Variants in DNAH10 observed in about 807,000 individuals in gnomAD.
DNAH10 encodes the protein axonemal beta dynein heavy chain 10.
A neutral mutation model predicts 506.6 loss-of-function variants in DNAH10; 348 were observed. The ratio of observed to expected loss-of-function variants is 0.69; its 90% confidence interval spans 0.63 to 0.75. DNAH10 has a LOEUF of 0.75. Among genes scored for constraint, DNAH10 ranks in the 30% least tolerant of loss-of-function variants. DNAH10 has a pLI of 0.00. For synonymous variants in DNAH10, 2,059 were observed against 2,198.6 expected, an observed-to-expected ratio of 0.94 and a Z score of 1.78; for missense variants, 5,179 against 5,787.1, an observed-to-expected ratio of 0.89 and a Z score of 3.41.
chr12:123,875,522 G>A lies in DNAH10; in HGVS notation c.8199+31G>A, dbSNP rs202056946. The A allele has an allele frequency of 4.3e-6, 7 of 1,610,764 alleles. No homozygotes were observed. In the Admixed American group the frequency reaches 5.0e-5, roughly 12 times the overall value. ...TTGATTTTAACTAGAAGTCTAAACC[G>A]GAAGACCTTGTGTTGGGGGGAAACA... is the stretch of plus-strand genomic sequence containing the variant. On this transcript the variant is annotated intron_variant, in intron 47 of 78. Transcript: ENST00000673944.
At chr12:123,829,157 A>T (rs1960277063) in intron 25 of DNAH10, among the ~76,000 whole-genome samples, 1 of 152,172 alleles carries the variant, frequency 6.6e-6, no homozygotes, top group South Asian at 2.1e-4. Context: ...ATGTTTAGGC[A>T]TTAGGGGAGT....
rs28654550 is a variant in DNAH10, at chr12:123,902,507, G to A, written c.9641-432G>A. On this transcript the variant is annotated intron_variant, in intron 56 of 78. Coordinates refer to ENST00000673944, the MANE Select transcript of DNAH10 (RefSeq NM_001372106.1). This position sits in a 1 kb window ranked among gnomAD's most constrained non-coding sequence, Gnocchi z 4.5. ...AGGAAGGGAGAGAGAGGACGACAGA[G>A]GGGCAGGCTCCTTAGAGGGTGGCTC... 0.29 allele frequency among the ~76,000 whole-genome samples: 43,824 copies of A among 152,140 alleles called. 7,366 individuals carry two copies. The highest frequency in any genetic ancestry group is 0.48 in the African/African-American group (19,730 of 41,486).
intron 5 of DNAH10, among the ~76,000 whole-genome samples, chr12:123,778,160 G>A (rs1028806153): frequency 1.3e-5 from 2 of 151,438 alleles, no homozygotes; most frequent in Admixed American, 1.3e-4. Flanking sequence ...TGGTGGTCAT[G>A]CCACTGTACT....
Position 123,917,675 on chromosome 12 carries a change from G to A in DNAH10, c.11094G>A (p.Gln3698=), listed in dbSNP as rs1954544359. The part of the protein sequence containing the change: ...ELEEQREHLI[Q]ETSENKNLLK... Reference sequence around the variant, plus strand: ...AGGAGCAGCGGGAGCACCTCATCCAGGAGACCAGCGAGAACAAGAACCTGC... The same window carrying A: ...AGGAGCAGCGGGAGCACCTCATCCAAGAGACCAGCGAGAACAAGAACCTGC... Residue 3698 remains glutamine, a synonymous_variant, in exon 64 of 79, where the codon CAG becomes CAA. Transcript: ENST00000673944. The surrounding 1 kb of genome is among the most constrained non-coding windows in gnomAD (Gnocchi z 5.6). 6.4e-7 allele frequency: 1 copy of A among 1,552,520 alleles called. No individual in the cohort carries two copies. The highest frequency in any genetic ancestry group is 2.0e-5 in the Admixed American group (1 of 51,074).
intron 58 of DNAH10, 56 bp from the exon 59 acceptor site, chr12:123,910,480 T>G: frequency 6.3e-7 from 1 of 1,588,784 alleles, no homozygotes; most frequent in Non-Finnish European, 8.6e-7. Context: ...TTGTCTATTT[T>G]ATGCTCCCAA....
rs1950775348 is a variant in DNAH10 at position 123,841,530 on chromosome 12, G to A, written c.5345G>A (p.Cys1782Tyr). 2.5e-6 allele frequency: 4 copies of A among 1,613,904 alleles called. No homozygotes were observed. The highest frequency in any genetic ancestry group is 3.4e-6 in the Non-Finnish European group (4 of 1,179,862). Residue 1782 changes from cysteine (C) to tyrosine (Y), a missense_variant, in exon 30 of 79, where the codon TGT (cysteine) becomes TAT (tyrosine). Transcript: ENST00000673944. ...LITKEAIFRYCEDRSRVDWML... is the reference protein window; with the variant it reads ...LITKEAIFRYYEDRSRVDWML... Reference sequence around the variant, plus strand: ...ACCAAAGAGGCTATTTTTAGATACTGTGAAGACAGAAGCAGGTAAGGCTGC... The same window carrying A: ...ACCAAAGAGGCTATTTTTAGATACTATGAAGACAGAAGCAGGTAAGGCTGC...
chr12:123,837,060 C>T (rs1422623981), intron 28 of DNAH10, among the ~76,000 whole-genome samples: 3 of 151,194 alleles, frequency 2.0e-5, no homozygotes, highest in South Asian at 2.1e-4. Flanking sequence ...ACCGTGTTAG[C>T]CAGGATGGTC....
chr12:123,859,322 T>G, intron 38 of DNAH10, 54 bp downstream of exon 38: 1 of 1,390,612 alleles, frequency 7.2e-7, no homozygotes. Flanking sequence ...TCACAGTATA[T>G]GTTTGGTGCC....
chr12:123,871,474 A>G lies in DNAH10; in HGVS notation c.7657A>G (p.Thr2553Ala). The change falls in exon 45 of 79, where the codon ACT becomes GCT. Residue 2553 changes from threonine (T) to alanine (A), a missense_variant. This residue lies in a region of DNAH10 where 4,844 missense variants were observed against 5,430.5 expected (regional missense o/e 0.89). Coordinates refer to ENST00000673944, the MANE Select transcript of DNAH10 (RefSeq NM_001372106.1). The part of the protein sequence containing the change: ...INILVHTVDT[T>A]RTTWILEQMV... ...TACTTTAGTTCACACAGTGGATACC[A>G]CTCGGACTACCTGGATATTGGAACA... The G allele has an allele frequency of 6.3e-7, 1 of 1,584,598 alleles. No individual in the cohort carries two copies. The highest frequency in any genetic ancestry group is 8.6e-7 in the Non-Finnish European group (1 of 1,163,978).
At chr12:123,852,603 T>G (rs1006276388) in intron 35 of DNAH10, among the ~76,000 whole-genome samples, 9 of 151,950 alleles carry the variant, frequency 5.9e-5, no homozygotes, top group Non-Finnish European at 1.0e-4. Flanking sequence ...GATGGAATCT[T>G]GCTCTGTCAC....
chr12:123,843,621 A>G (rs1950847681), intron 30 of DNAH10, among the ~76,000 whole-genome samples: 1 of 152,176 alleles, frequency 6.6e-6, no homozygotes, highest in Admixed American at 6.5e-5. Flanking sequence ...TCTGTCACCC[A>G]GGCTGGAGTG....
intron 38 of DNAH10, 134 bp from the exon 39 acceptor site, chr12:123,860,878 G>A (rs1167489434): frequency 2.7e-6 from 3 of 1,121,782 alleles, no homozygotes; most frequent in Non-Finnish European, 3.9e-6. Context: ...GAAGCCCAGT[G>A]AAGAGTTTGC....
chr12:123,935,197 G>A (rs1955437137), intron 78 of DNAH10, 138 bp from the exon 79 acceptor site: 2 of 1,045,966 alleles, frequency 1.9e-6, no homozygotes, highest in Non-Finnish European at 1.4e-6. Context: ...GTGGCCCTGA[G>A]CAGCCCCAGC....
chr12:123,898,851 C>T (rs1397617881), intron 56 of DNAH10, 37 bp downstream of exon 56: 26 of 1,565,200 alleles, frequency 1.7e-5, no homozygotes, highest in Non-Finnish European at 2.2e-5. Flanking sequence ...CCATCCCCAA[C>T]ACCCAATACC....
chr12:123,891,191 G>A lies in DNAH10; in HGVS notation c.8996-2042G>A, dbSNP rs530386303. ...GCACAGAACTCCAGTCCCTGTCTTC[G>A]TTGTCACGTGGCCTTCCCCTTGTGT... On this transcript the variant is annotated intron_variant, in intron 52 of 78. Coordinates refer to ENST00000673944, the MANE Select transcript of DNAH10 (RefSeq NM_001372106.1). Among the ~76,000 whole-genome samples, 12 of 152,182 alleles carry A rather than the reference G, an allele frequency of 7.9e-5. No individual in the cohort carries two copies. The East Asian group carries it at 1.5e-3, about 20-fold the overall frequency.
rs1341095768 is a variant in DNAH10 at position 123,853,586 on chromosome 12, T to C, written c.6438+234T>C. 6.6e-6 allele frequency among the ~76,000 whole-genome samples: 1 copy of C among 152,164 alleles called. No individual in the cohort carries two copies. Among genetic ancestry groups the C allele is most frequent in the East Asian group, 1.9e-4 (1 of 5,200 alleles). On this transcript the variant is annotated intron_variant, in intron 36 of 78. Transcript: ENST00000673944. This position sits in a 1 kb window ranked among gnomAD's most constrained non-coding sequence, Gnocchi z 4.7. ...ATGTCTTCGCTCCAATAGCAACATT[T>C]ATGATGCTTCCATAGTAATAATCTG...
At chr12:123,789,723 A>G (rs1209194123) in intron 10 of DNAH10, among the ~76,000 whole-genome samples, 9 of 152,022 alleles carry the variant, frequency 5.9e-5, no homozygotes, top group Non-Finnish European at 1.3e-4. Context: ...GGTGGCTGCA[A>G]TGTGGGGAGG....
chr12:123,818,491 T>G (rs1432566405), intron 21 of DNAH10, among the ~76,000 whole-genome samples: 1 of 151,768 alleles, frequency 6.6e-6, no homozygotes, highest in East Asian at 2.0e-4. Context: ...GCCTGGCTAA[T>G]TTTTGTATTT....
At chr12:123,897,579 AC>A (rs2137233401) in intron 54 of DNAH10, among the ~76,000 whole-genome samples, 190 bp from the exon 55 acceptor site, 2 of 152,124 alleles carry the variant, frequency 1.3e-5, no homozygotes, top group East Asian at 3.9e-4. Context: ...ACAAAAAATT[AC>A]CCAGGCATGG....
Sources: gnomAD v4.1 joint callset for allele counts (sites outside exome capture counted in the v4.1 genomes callset) on GRCh38, gnomAD v4.1.1 for gene constraint, gnomAD v4.1.1 regional missense constraint, Gnocchi (gnomAD v3.1) non-coding constraint, MANE v1.5 for transcripts, NCBI Gene and HGNC (gene_info 2026-07-23, HGNC 2026-07-21) for gene names.